ARHGEF4: variants seen among roughly 807,000 people sequenced by gnomAD.
ARHGEF4 encodes APC-stimulated guanine nucleotide exchange factor 1.
A neutral mutation model predicts 162.0 loss-of-function variants in ARHGEF4; 119 were observed. The ratio of observed to expected loss-of-function variants is 0.73; its 90% CI spans 0.63 to 0.86. The LOEUF (loss-of-function observed/expected upper bound fraction) is 0.86. Ranked by LOEUF, ARHGEF4 falls within the 40% of genes least tolerant of loss-of-function variation. The pLI is 0.00. For missense variants in ARHGEF4, 2,488 were observed against 2,456.0 expected (o/e 1.01, Z -0.28); for synonymous variants, 1,014 against 979.9 (o/e 1.03, Z -0.65).
At position 130,946,520 on chromosome 2, in the gene ARHGEF4, G is replaced by A; in HGVS notation, c.3870G>A (p.Lys1290=). Reference sequence around the variant, plus strand: ...TCCTCCTCTTCCAGTGCTGGAGAAAGACGATCATTACCTCTCCAGAGTCTT... The same window carrying A: ...TCCTCCTCTTCCAGTGCTGGAGAAAAACGATCATTACCTCTCCAGAGTCTT... The part of the protein sequence containing the change: ...VHKDGVKCWR[K]TIITSPESLN... Residue 1290 remains lysine (K), a synonymous_variant, in exon 4 of 14, where the codon AAG becomes AAA. Transcript: ENST00000409359. 6.2e-7 allele frequency: 1 copy of A among 1,611,654 alleles called. No individual in the cohort carries two copies. The highest frequency in any genetic ancestry group is 8.5e-7 in the Non-Finnish European group (1 of 1,178,918).
intron 2 of ARHGEF4, among the ~76,000 whole-genome samples, chr2:130,923,075 C>T (rs980608479): frequency 2.6e-5 from 4 of 152,058 alleles, no homozygotes; most frequent in South Asian, 4.2e-4. Flanking sequence ...GGACTACAGG[C>T]GCGAGCCACA....
At chr2:131,033,286 C>CTGCTCAG (rs1689995171) in intron 5 of ARHGEF4, among the ~76,000 whole-genome samples, 1 of 152,218 alleles carries the variant, frequency 6.6e-6, no homozygotes, top group Non-Finnish European at 1.5e-5. Flanking sequence ...GAGAAGGACC[C>CTGCTCAG]TGCTCAGTCC....
chr2:130,875,794 C>T (rs1218909537), intron 1 of ARHGEF4, among the ~76,000 whole-genome samples: 1 of 152,156 alleles, frequency 6.6e-6, no homozygotes, highest in African/African-American at 2.4e-5. Flanking sequence ...CATTTCTCTC[C>T]CTCCCGGCTC....
intron 1 of ARHGEF4, among the ~76,000 whole-genome samples, chr2:130,840,048 T>C (rs147725169): frequency 1.3e-5 from 2 of 152,206 alleles, no homozygotes; most frequent in East Asian, 3.9e-4. Context: ...CTGTGCCCCA[T>C]GACAGGGAAG....
chr2:130,999,870 C>T (rs1687657648), intron 4 of ARHGEF4, among the ~76,000 whole-genome samples: 1 of 152,118 alleles, frequency 6.6e-6, no homozygotes, highest in Non-Finnish European at 1.5e-5. Flanking sequence ...ACCTACCACA[C>T]CTGGCTAATG....
intron 6 of ARHGEF4, chr2:131,039,300 C>T: frequency 4.0e-6 from 5 of 1,258,598 alleles, no homozygotes; most frequent in Non-Finnish European, 5.0e-6. Context: ...GCGATACCCC[C>T]GCAACTCCAG....
intron 3 of ARHGEF4, among the ~76,000 whole-genome samples, chr2:130,944,391 T>C (rs988952970): frequency 2.6e-5 from 4 of 152,218 alleles, no homozygotes. Context: ...GGAACTCTGA[T>C]TGACAGAGTA....
intron 4 of ARHGEF4, among the ~76,000 whole-genome samples, chr2:130,949,159 C>T (rs1254091863): frequency 6.6e-6 from 1 of 152,096 alleles, no homozygotes; most frequent in Non-Finnish European, 1.5e-5. Context: ...CCTTCACTGG[C>T]AGTTTGTGAT....
At chr2:130,910,610 C>T (rs373384667) in intron 1 of ARHGEF4, among the ~76,000 whole-genome samples, 1 of 152,098 alleles carries the variant, frequency 6.6e-6, no homozygotes, top group Non-Finnish European at 1.5e-5. Context: ...GTAAGACTTC[C>T]GAGGATTTAA....
chr2:130,844,142 C>T (rs1309519210), intron 1 of ARHGEF4, among the ~76,000 whole-genome samples: 2 of 152,264 alleles, frequency 1.3e-5, no homozygotes, highest in Non-Finnish European at 2.9e-5. Context: ...GCTTCTCCCG[C>T]TGAGCGCAAC....
chr2:130,896,364 G>T (rs573385905), intron 1 of ARHGEF4, among the ~76,000 whole-genome samples: 4 of 152,306 alleles, frequency 2.6e-5, no homozygotes, highest in Non-Finnish European at 5.9e-5. Flanking sequence ...CCTCCTATTT[G>T]TTGTGGTCCA....
intron 1 of ARHGEF4, among the ~76,000 whole-genome samples, chr2:130,882,055 G>A (rs986647694): frequency 6.6e-6 from 1 of 152,074 alleles, no homozygotes; most frequent in African/African-American, 2.4e-5. Context: ...GCGAGCCTGG[G>A]CACTGACAGC....
At chr2:130,973,565 T>C (rs1420220325) in intron 4 of ARHGEF4, among the ~76,000 whole-genome samples, 1 of 152,212 alleles carries the variant, frequency 6.6e-6, no homozygotes, top group Non-Finnish European at 1.5e-5. Context: ...CAAGTTACTC[T>C]TTGATACCAG....
At chr2:130,957,640 A>G (rs1311015917) in intron 4 of ARHGEF4, among the ~76,000 whole-genome samples, 3 of 152,216 alleles carry the variant, frequency 2.0e-5, no homozygotes, top group African/African-American at 7.2e-5. Context: ...TCGAAATCCT[A>G]TACCCCGATA....
chr2:130,877,366 CTT>C (rs1678924631), intron 1 of ARHGEF4, among the ~76,000 whole-genome samples: 1 of 152,190 alleles, frequency 6.6e-6, no homozygotes, highest in South Asian at 2.1e-4. Context: ...GAAAGCCTAA[CTT>C]GAGCTAATTC....
chr2:130,921,410 CA>C (rs986093191), intron 2 of ARHGEF4, among the ~76,000 whole-genome samples: 3 of 152,052 alleles, frequency 2.0e-5, no homozygotes, highest in African/African-American at 4.8e-5. Context: ...ACATTTGGGT[CA>C]GGGGCCTACT....
intron 2 of ARHGEF4, among the ~76,000 whole-genome samples, chr2:130,926,010 TTC>T (rs761191813): frequency 9.6e-6 from 1 of 104,080 alleles, no homozygotes; most frequent in Non-Finnish European, 1.9e-5. Flanking sequence ...TTGTTTGGTT[TTC>T]TCTCTTTCTT....
At chr2:130,913,906 G>T (rs780178378) in intron 1 of ARHGEF4, 80 bp from the exon 2 acceptor site, 1 of 1,494,220 alleles carries the variant, frequency 6.7e-7, no homozygotes, top group Non-Finnish European at 8.9e-7. Context: ...TCCTCCTTCT[G>T]GCAAAGGCAG....
At chr2:130,985,534 A>C (rs1378173486) in intron 4 of ARHGEF4, among the ~76,000 whole-genome samples, 1 of 152,012 alleles carries the variant, frequency 6.6e-6, no homozygotes, top group East Asian at 1.9e-4. Context: ...TGTGTGGGAA[A>C]ACAGGAACTA....
Sources: allele counts gnomAD v4.1 joint callset (sites outside exome capture counted in the v4.1 genomes callset), GRCh38; gene constraint gnomAD v4.1.1; transcripts MANE v1.5; gene names NCBI Gene and HGNC (gene_info 2026-07-23, HGNC 2026-07-21).